Variants in PTPRD observed in about 807,000 individuals in gnomAD.
PTPRD encodes the protein protein tyrosine phosphatase receptor type D, also known as receptor-type tyrosine-protein phosphatase delta.
In PTPRD, 34 loss-of-function variants were observed where a neutral mutation model predicts 214.5. That is an observed-to-expected ratio of 0.16 (90% CI 0.12 to 0.21). The LOEUF (loss-of-function observed/expected upper bound fraction) is 0.21, where lower values mean the gene tolerates loss of function less well. PTPRD is among the 10% of genes least tolerant of loss of function. PTPRD has a pLI of 1.00. For missense variants in PTPRD, 2,545 were observed against 2,398.7 expected (o/e 1.06, Z -1.27); for synonymous variants, 1,128 against 845.7 (o/e 1.33, Z -5.79).
intron 5 of PTPRD, among the ~76,000 whole-genome samples, chr9:9,882,008 G>T (rs889458314): frequency 6.6e-6 from 1 of 152,032 alleles, no homozygotes; most frequent in South Asian, 2.1e-4. Context: ...ACCATGGATT[G>T]TATAGTGTAA....
In PTPRD at chr9:9,042,207, TA is replaced by T. The variant is rs1410375292; in HGVS notation, c.-142-23473del. ...GTGAGTCTGCAACCAGAGCTTTAGGTAACTCTAGGTGTCATTCTTACTACCT... is the reference window on the plus strand; with the variant it reads ...GTGAGTCTGCAACCAGAGCTTTAGGTACTCTAGGTGTCATTCTTACTACCT... On this transcript the variant is annotated intron_variant, in intron 10 of 45. Coordinates refer to ENST00000381196, the MANE Select transcript of PTPRD (RefSeq NM_002839.4). 5.3e-5 allele frequency among the ~76,000 whole-genome samples: 8 copies of T among 152,316 alleles called. No homozygotes were observed. The South Asian group carries it at 1.7e-3, about 32-fold the overall frequency.
Position 8,910,033 on chromosome 9 carries a change from ATTATTTAT to A in PTPRD, c.-104+108656_-104+108663del, listed in dbSNP as rs1375736786. Reference sequence around the variant, plus strand: ...AACTTATGTAGAAATTTATTTATTTATTATTTATTTATTTATTTATTTTGAGATGGAGT... The same window carrying A: ...AACTTATGTAGAAATTTATTTATTTATTATTTATTTATTTTGAGATGGAGT... On this transcript the variant is annotated intron_variant, in intron 11 of 45. Coordinates refer to ENST00000381196, the MANE Select transcript of PTPRD (RefSeq NM_002839.4). Among the ~76,000 whole-genome samples, 9 of 151,468 alleles carry A rather than the reference ATTATTTAT, an allele frequency of 5.9e-5. No homozygotes were observed. The East Asian group carries it at 1.4e-3, about 23-fold the overall frequency.
At chr9:10,154,644 G>T (rs116308989) in intron 3 of PTPRD, among the ~76,000 whole-genome samples, 2,669 of 151,948 alleles carry the variant, frequency 0.018, 83 homozygotes, top group African/African-American at 0.06. Flanking sequence ...TTTCTATATG[G>T]GGTCCAGTTT....
chr9:9,178,183 CTGTGTGTG>C (rs142422593), intron 10 of PTPRD, among the ~76,000 whole-genome samples: 1 of 151,380 alleles, frequency 6.6e-6, no homozygotes, highest in African/African-American at 2.4e-5. Flanking sequence ...GTGTGGCTGA[CTGTGTGTG>C]TGTGTGTCTC....
At chr9:8,427,738 G>C (rs2094782532) in intron 35 of PTPRD, among the ~76,000 whole-genome samples, 1 of 151,842 alleles carries the variant, frequency 6.6e-6, no homozygotes, top group African/African-American at 2.4e-5. Context: ...TTTGGCCTGG[G>C]ATAGGAAATG....
chr9:9,217,646 G>C (rs1367371670), intron 9 of PTPRD, among the ~76,000 whole-genome samples: 2 of 152,092 alleles, frequency 1.3e-5, no homozygotes, highest in African/African-American at 4.8e-5. Flanking sequence ...TGGTTTCTAA[G>C]GGCCTGCCAG....
At chr9:10,009,126 CT>C (rs1171593995) in intron 4 of PTPRD, among the ~76,000 whole-genome samples, 3 of 151,936 alleles carry the variant, frequency 2.0e-5, no homozygotes, top group Non-Finnish European at 2.9e-5. Context: ...TAATGCAATT[CT>C]GTTGACAATA....
At chr9:10,038,735 A>C (rs1054358200) in intron 3 of PTPRD, among the ~76,000 whole-genome samples, 2 of 152,044 alleles carry the variant, frequency 1.3e-5, no homozygotes, top group East Asian at 1.9e-4. Context: ...GACTCACTTT[A>C]TATTTTTCTT....
intron 11 of PTPRD, among the ~76,000 whole-genome samples, chr9:9,006,277 G>C (rs960505466): frequency 1.3e-5 from 2 of 152,016 alleles, no homozygotes; most frequent in African/African-American, 4.8e-5. Context: ...TGGGCTATGA[G>C]AGCAAATATA....
chr9:9,482,323 G>A (rs769860322), intron 8 of PTPRD, among the ~76,000 whole-genome samples: 1 of 152,184 alleles, frequency 6.6e-6, no homozygotes, highest in African/African-American at 2.4e-5. Context: ...GAATTCTAGA[G>A]TCATGGTATT....
At chr9:10,129,356 C>A (rs532607916) in intron 3 of PTPRD, among the ~76,000 whole-genome samples, 1 of 152,056 alleles carries the variant, frequency 6.6e-6, no homozygotes, top group African/African-American at 2.4e-5. Flanking sequence ...TTTTTAAGAT[C>A]CCTAGTGGCC....
chr9:9,011,083 T>C lies in PTPRD; in HGVS notation c.-104+7614A>G, dbSNP rs530299217. Among the ~76,000 whole-genome samples the C allele has an allele frequency of 3.3e-5, 5 of 152,290 alleles. No individual in the cohort carries two copies. In the South Asian group the frequency reaches 1.0e-3, roughly 32 times the overall value. ...CTATGATATGTGTATCCTGGTTACC[T>C]TAGAGACTGTGTCTCCTAAGTAGAG... On this transcript the variant is annotated intron_variant, in intron 11 of 45. Transcript: ENST00000381196.
At chr9:10,062,737 T>A (rs1055865735) in intron 3 of PTPRD, among the ~76,000 whole-genome samples, 1 of 151,990 alleles carries the variant, frequency 6.6e-6, no homozygotes. Flanking sequence ...CATTTCAACA[T>A]CTTTCACATT....
intron 3 of PTPRD, among the ~76,000 whole-genome samples, chr9:10,269,702 C>T (rs1396719988): frequency 6.6e-6 from 1 of 151,872 alleles, no homozygotes; most frequent in Non-Finnish European, 1.5e-5. Flanking sequence ...AAAATTACAA[C>T]ATAACTTACT....
chr9:8,854,884 A>G (rs2097886056), intron 11 of PTPRD, among the ~76,000 whole-genome samples: 1 of 152,198 alleles, frequency 6.6e-6, no homozygotes, highest in Non-Finnish European at 1.5e-5. Flanking sequence ...TCCAATAAAG[A>G]AAAGTTATTA....
At chr9:10,508,352 T>C (rs1804073101) in intron 2 of PTPRD, among the ~76,000 whole-genome samples, 1 of 152,184 alleles carries the variant, frequency 6.6e-6, no homozygotes, top group Admixed American at 6.5e-5. Flanking sequence ...TTGGTGGGAC[T>C]GTAAACTAGT....
chr9:9,957,236 T>A (rs2093999383), intron 4 of PTPRD, among the ~76,000 whole-genome samples: 1 of 152,154 alleles, frequency 6.6e-6, no homozygotes, highest in South Asian at 2.1e-4. Context: ...AGGCAAAGAA[T>A]ACTCCTCTTT....
At chr9:9,391,453 T>G (rs908664748) in intron 9 of PTPRD, among the ~76,000 whole-genome samples, 11 of 152,308 alleles carry the variant, frequency 7.2e-5, no homozygotes, top group Admixed American at 2.6e-4. Flanking sequence ...TACCTTAAAT[T>G]AGAAATCACT....
At chr9:10,555,351 A>G (rs1236039431) in intron 2 of PTPRD, among the ~76,000 whole-genome samples, 1 of 152,236 alleles carries the variant, frequency 6.6e-6, no homozygotes, top group Non-Finnish European at 1.5e-5. Context: ...TTTATCATAT[A>G]CCTAAAAAAT....
Sources: allele counts gnomAD v4.1 joint callset (sites outside exome capture counted in the v4.1 genomes callset), GRCh38; gene constraint gnomAD v4.1.1; transcripts MANE v1.5; gene names NCBI Gene and HGNC (gene_info 2026-07-23, HGNC 2026-07-21).